The following TMEM67 variants were observed in gnomAD, a reference collection of about 807,000 sequenced individuals.
TMEM67 encodes meckelin.
A neutral mutation model predicts 136.6 loss-of-function variants in TMEM67; 124 were observed. The ratio of observed to expected loss-of-function variants is 0.91; its 90% CI spans 0.78 to 1.05. The LOEUF (loss-of-function observed/expected upper bound fraction) is 1.05. TMEM67 is among the 50% of genes least tolerant of loss of function. TMEM67 has a pLI of 0.00. For synonymous variants in TMEM67, 364 were observed against 390.5 expected (o/e 0.93, Z 0.80); for missense variants, 1,107 against 1,178.4 (o/e 0.94, Z 0.89).
At chr8:93,774,491 C>G (rs905051063) in intron 7 of TMEM67, among the ~76,000 whole-genome samples, 1 of 152,036 alleles carries the variant, frequency 6.6e-6, no homozygotes, top group African/African-American at 2.4e-5. Context: ...AGGTATTTAT[C>G]CTAATGCTAT....
At chr8:93,805,851 A>G (rs1815127638) in intron 23 of TMEM67, among the ~76,000 whole-genome samples, 1 of 152,212 alleles carries the variant, frequency 6.6e-6, no homozygotes, top group African/African-American at 2.4e-5. Context: ...GTTGACAGGG[A>G]ACTTTATAAT....
chr8:93,763,350 C>T (rs1352351845), intron 3 of TMEM67, among the ~76,000 whole-genome samples: 3 of 152,118 alleles, frequency 2.0e-5, no homozygotes, highest in African/African-American at 4.8e-5. Flanking sequence ...TCCTTATATA[C>T]ATGTTCAAGT....
At chr8:93,779,418 C>CT (rs778263534) in intron 7 of TMEM67, among the ~76,000 whole-genome samples, 2 of 152,156 alleles carry the variant, frequency 1.3e-5, no homozygotes, top group African/African-American at 2.4e-5. Context: ...AGCTGCATTC[C>CT]TTTGGAAGAG....
intron 18 of TMEM67, among the ~76,000 whole-genome samples, chr8:93,796,205 G>T (rs933139579): frequency 6.6e-6 from 1 of 152,094 alleles, no homozygotes; most frequent in African/African-American, 2.4e-5. Flanking sequence ...CCATGAATTT[G>T]TATGGCTTAT....
intron 3 of TMEM67, 61 bp downstream of exon 3, chr8:93,758,637 A>T: frequency 1.5e-6 from 2 of 1,370,380 alleles, no homozygotes; most frequent in Non-Finnish European, 2.1e-6. Context: ...TTTTGTTTTT[A>T]TTTGAAAAGG....
At chr8:93,815,572 T>G (rs1463580539) in intron 27 of TMEM67, 125 bp downstream of exon 27, 2 of 866,680 alleles carry the variant, frequency 2.3e-6, no homozygotes, top group African/African-American at 1.7e-5. Context: ...AGGTTTAGAA[T>G]ATGACTAACC....
intron 4 of TMEM67, 108 bp from the exon 5 acceptor site, chr8:93,765,297 TG>T (rs1813031076): frequency 1.2e-6 from 1 of 829,988 alleles, no homozygotes; most frequent in African/African-American, 1.7e-5. Flanking sequence ...TTTACATAAT[TG>T]CTTACTGAAT....
chr8:93,797,218 C>G lies in TMEM67; in HGVS notation c.1945C>G (p.Leu649Val). 1 of 1,612,822 alleles carries G rather than the reference C, an allele frequency of 6.2e-7. No homozygotes were observed. The highest frequency in any genetic ancestry group is 8.5e-7 in the Non-Finnish European group (1 of 1,178,812). The change falls in exon 19 of 28, where the codon CTT becomes GTT. Residue 649 changes from leucine (L) to valine (V), a missense_variant. Physicochemically the swap from Leu to Val is conservative, Grantham distance 32 (BLOSUM62 1). Transcript: ENST00000453321. ...IDWERPKGKV[L>V]KAVEGEGGVR... is the part of the protein sequence containing the mutation. ...TTGGGAGCGACCTAAAGGAAAGGTTCTTAAAGCTGTTGAAGGTAACTGAAA... is the reference window on the plus strand; with the variant it reads ...TTGGGAGCGACCTAAAGGAAAGGTTGTTAAAGCTGTTGAAGGTAACTGAAA...
chr8:93,818,866 G>A (rs1254124539), downstream of TMEM67: 3 of 309,936 alleles, frequency 9.7e-6, no homozygotes, highest in Admixed American at 4.8e-5. Flanking sequence ...GCAGTGGCAC[G>A]ATTTTGGCCC....
Position 93,780,646 on chromosome 8 carries a change from C to T in TMEM67, c.768C>T (p.Asn256=). 1 of 1,614,120 alleles carries T rather than the reference C, an allele frequency of 6.2e-7. No homozygotes were observed. The highest frequency in any genetic ancestry group is 1.1e-5 in the South Asian group (1 of 91,086). ...CQALGNMCVM[N]MNSYDFATFD... is the part of the protein sequence containing the mutation. ...CTCTTGGAAATATGTGTGTGATGAACATGAATTCTTACGACTTTGCCACAT... is the reference window on the plus strand; with the variant it reads ...CTCTTGGAAATATGTGTGTGATGAATATGAATTCTTACGACTTTGCCACAT... The change falls in exon 8 of 28, where the codon AAC becomes AAT. Residue 256 remains asparagine, a synonymous_variant. Coordinates refer to ENST00000453321, the MANE Select transcript of TMEM67 (RefSeq NM_153704.6).
Position 93,755,669 on chromosome 8 carries a change from A to G in TMEM67, c.224-109A>G, listed in dbSNP as rs550905965. The G allele has an allele frequency of 5.3e-5, 40 of 754,690 alleles. No individual in the cohort carries two copies. The African/African-American group carries it at 6.8e-4, about 13-fold the overall frequency. The allele number at this position is 754,690 out of a possible 1,614,324, so 46.7% of individuals were successfully genotyped here. On this transcript the variant is annotated intron_variant, in intron 1 of 27. Coordinates refer to ENST00000453321, the MANE Select transcript of TMEM67 (RefSeq NM_153704.6). ...CTCCAGAATCCTGCTGTTAATCACTATACTGCTTCTCAAGATCTTCAGACT... is the reference window on the plus strand; with the variant it reads ...CTCCAGAATCCTGCTGTTAATCACTGTACTGCTTCTCAAGATCTTCAGACT...
At chr8:93,755,184 T>G in intron 1 of TMEM67, 47 bp downstream of exon 1, 1 of 1,547,776 alleles carries the variant, frequency 6.5e-7, no homozygotes, top group Non-Finnish European at 8.9e-7. Context: ...ACTCCCGCCT[T>G]GGTCGGCCCC....
rs534264600 is a variant in TMEM67 at position 93,780,228 on chromosome 8, C to T, written c.715-365C>T. On this transcript the variant is annotated intron_variant, in intron 7 of 27. Transcript: ENST00000453321. Reference sequence around the variant, plus strand: ...CCGTTTGCTAAGACCATTGGAAAAGCGCAGTGTTTAGGTGGAGGTGTCCCA... The same window carrying T: ...CCGTTTGCTAAGACCATTGGAAAAGTGCAGTGTTTAGGTGGAGGTGTCCCA... Among the ~76,000 whole-genome samples, 8 of 151,984 alleles carry T rather than the reference C, an allele frequency of 5.3e-5. No individual in the cohort carries two copies. The South Asian group carries it at 1.0e-3, about 20-fold the overall frequency.
intron 7 of TMEM67, among the ~76,000 whole-genome samples, chr8:93,777,233 C>T (rs3134025): frequency 6.6e-6 from 1 of 151,364 alleles, no homozygotes; most frequent in Admixed American, 6.6e-5. Flanking sequence ...CTATTTGATT[C>T]TTCTCTCTTT....
intron 3 of TMEM67, among the ~76,000 whole-genome samples, chr8:93,761,051 T>C (rs774787881): frequency 2.0e-5 from 3 of 152,196 alleles, no homozygotes; most frequent in Non-Finnish European, 4.4e-5. Flanking sequence ...TGGCTCACGC[T>C]TGTAATCCAG....
At chr8:93,815,572 T>C in intron 27 of TMEM67, 125 bp downstream of exon 27, 3 of 866,798 alleles carry the variant, frequency 3.5e-6, no homozygotes, top group Non-Finnish European at 3.6e-6. Context: ...AGGTTTAGAA[T>C]ATGACTAACC....
intron 6 of TMEM67, among the ~76,000 whole-genome samples, chr8:93,770,635 A>G (rs1813288349): frequency 6.6e-6 from 1 of 152,162 alleles, no homozygotes; most frequent in Admixed American, 6.5e-5. Flanking sequence ...TTCGCAAGAT[A>G]TTATATAGAT....
intron 6 of TMEM67, among the ~76,000 whole-genome samples, chr8:93,768,113 G>T (rs1487427191): frequency 6.6e-6 from 1 of 151,658 alleles, no homozygotes; most frequent in Non-Finnish European, 1.5e-5. Flanking sequence ...TGATCTACCC[G>T]CCTAAGCCTC....
downstream of TMEM67, among the ~76,000 whole-genome samples, chr8:93,819,963 C>T (rs1809017234): frequency 6.6e-6 from 1 of 152,120 alleles, no homozygotes; most frequent in Non-Finnish European, 1.5e-5. Flanking sequence ...CTGTCTGGCC[C>T]TGAAACCCTA....
Sources: allele counts gnomAD v4.1 joint callset (sites outside exome capture counted in the v4.1 genomes callset), GRCh38; gene constraint gnomAD v4.1.1; transcripts MANE v1.5; gene names NCBI Gene and HGNC (gene_info 2026-07-23, HGNC 2026-07-21).